The following RSRC1 variants were observed in gnomAD, a reference collection of about 807,000 sequenced individuals.
RSRC1 encodes the protein serine/Arginine-related protein 53.
In RSRC1, 39 loss-of-function variants were observed where a neutral mutation model predicts 49.1. That is an observed-to-expected ratio of 0.79 (90% CI 0.61 to 1.04). The LOEUF (loss-of-function observed/expected upper bound fraction) is 1.04. Ranked by LOEUF, RSRC1 falls within the 50% of genes least tolerant of loss-of-function variation. The pLI, the probability that RSRC1 is intolerant of heterozygous loss-of-function variation, is 0.00. For synonymous variants in RSRC1, 143 were observed against 130.8 expected (o/e 1.09, Z -0.63); for missense variants, 388 against 402.4 (o/e 0.96, Z 0.31).
At chr3:158,357,393 T>G (rs956285491) in intron 6 of RSRC1, among the ~76,000 whole-genome samples, 1 of 152,214 alleles carries the variant, frequency 6.6e-6, no homozygotes, top group African/African-American at 2.4e-5. Flanking sequence ...TGTGCTACTT[T>G]TCATTGCCAC....
At chr3:158,367,332 G>A (rs139179113) in intron 6 of RSRC1, among the ~76,000 whole-genome samples, 41 of 152,244 alleles carry the variant, frequency 2.7e-4, no homozygotes, top group African/African-American at 9.9e-4. Context: ...TTTATTGAGA[G>A]TTTTTTGCAT....
chr3:158,449,129 C>T (rs1026950703), intron 6 of RSRC1, among the ~76,000 whole-genome samples: 1 of 151,612 alleles, frequency 6.6e-6, no homozygotes, highest in African/African-American at 2.4e-5. Flanking sequence ...TAAACATAAT[C>T]GATCTTTTGA....
intron 4 of RSRC1, among the ~76,000 whole-genome samples, chr3:158,203,554 A>G (rs540627456): frequency 6.6e-6 from 1 of 152,330 alleles, no homozygotes; most frequent in Non-Finnish European, 1.5e-5. Flanking sequence ...ATTCTGTAGG[A>G]AAGTTTCATA....
At chr3:158,145,386 G>A (rs1246951797) in intron 3 of RSRC1, among the ~76,000 whole-genome samples, 1 of 152,100 alleles carries the variant, frequency 6.6e-6, no homozygotes, top group African/African-American at 2.4e-5. Context: ...TGTTATATAG[G>A]GAATCCTTTC....
intron 8 of RSRC1, among the ~76,000 whole-genome samples, chr3:158,537,856 C>T (rs1712802937): frequency 6.6e-6 from 1 of 151,684 alleles, no homozygotes. Flanking sequence ...GTATTAATGG[C>T]TGTATAATAT....
chr3:158,490,378 C>T (rs564774629), intron 7 of RSRC1, among the ~76,000 whole-genome samples: 12 of 152,312 alleles, frequency 7.9e-5, no homozygotes, highest in African/African-American at 2.2e-4. Flanking sequence ...GCCACCACGC[C>T]GGGCCCCTTC....
intron 5 of RSRC1, among the ~76,000 whole-genome samples, chr3:158,307,630 C>CT (rs1200149307): frequency 1.3e-5 from 2 of 151,640 alleles, no homozygotes; most frequent in African/African-American, 2.4e-5. Flanking sequence ...TTAAAGGGCA[C>CT]TGCTAGTATA....
At chr3:158,332,973 T>G (rs1253560707) in intron 5 of RSRC1, among the ~76,000 whole-genome samples, 2 of 148,666 alleles carry the variant, frequency 1.3e-5, no homozygotes, top group Admixed American at 6.7e-5. Flanking sequence ...TGTTTTTTGT[T>G]TTTTTTTTTT....
chr3:158,171,953 T>TCAACAA (rs374799867), intron 3 of RSRC1, among the ~76,000 whole-genome samples: 26 of 151,150 alleles, frequency 1.7e-4, no homozygotes, highest in African/African-American at 2.4e-4. Flanking sequence ...CTGTGTCGCT[T>TCAACAA]CAACAACAAC....
intron 5 of RSRC1, 99 bp from the exon 6 acceptor site, chr3:158,354,758 C>T: frequency 2.3e-6 from 2 of 853,482 alleles, no homozygotes; most frequent in Non-Finnish European, 3.6e-6. Flanking sequence ...TTTAAATTTC[C>T]TAATATTTGC....
rs950086704 is a variant in RSRC1 at position 158,445,990 on chromosome 3, T to G, written c.584-14945T>G. ...AGCCGTCAGTCTGTTTTGCAAACTT[T>G]CCATTTGATGCTGACACATGCTGAA... On this transcript the variant is annotated intron_variant, in intron 6 of 9. Coordinates refer to ENST00000611884, the MANE Select transcript of RSRC1 (RefSeq NM_001271838.2). Among the ~76,000 whole-genome samples the G allele has an allele frequency of 2.6e-5, 4 of 152,240 alleles. No homozygotes were observed. The Middle Eastern group carries it at 0.01, about 391-fold the overall frequency.
intron 3 of RSRC1, among the ~76,000 whole-genome samples, chr3:158,167,233 G>C (rs4336069): frequency 0.63 from 95,849 of 151,960 alleles, 30,854 homozygotes; most frequent in East Asian, 0.73. Context: ...GTCACCCAAG[G>C]TGCAGTGCAG....
chr3:158,243,068 C>CA, intron 4 of RSRC1, among the ~76,000 whole-genome samples: 1 of 152,210 alleles, frequency 6.6e-6, no homozygotes, highest in East Asian at 1.9e-4. Flanking sequence ...TTCCCTATGT[C>CA]AATTTTTGCT....
At chr3:158,122,800 A>G (rs938105893) in intron 2 of RSRC1, among the ~76,000 whole-genome samples, 10 of 151,942 alleles carry the variant, frequency 6.6e-5, no homozygotes, top group East Asian at 3.9e-4. Context: ...TCATTGTTCA[A>G]TTCCCACCTA....
Position 158,118,419 on chromosome 3 carries a change from G to C in RSRC1, c.-2-3684G>C, listed in dbSNP as rs1216216078. On this transcript the variant is annotated intron_variant, in intron 1 of 9. Transcript: ENST00000611884. ...TAGCTAAGTACCTGGCCTTCTGTGT[G>C]TGTGTGTGTGTGTGTGTGTGTGTGT... Among the ~76,000 whole-genome samples, 10 of 80,408 alleles carry C rather than the reference G, an allele frequency of 1.2e-4. No individual in the cohort carries two copies. The East Asian group carries it at 2.6e-3, about 21-fold the overall frequency. 52.8% of individuals were successfully genotyped at this position (80,408 alleles called of 152,430 possible). A position where few individuals can be genotyped will look rare whatever the true frequency, so the allele number is the denominator to read the frequency against.
rs184370724 is a variant in RSRC1, at chr3:158,147,738, A to G, written c.320+23747A>G. On this transcript the variant is annotated intron_variant, in intron 3 of 9. Coordinates refer to ENST00000611884, the MANE Select transcript of RSRC1 (RefSeq NM_001271838.2). Reference sequence around the variant, plus strand: ...ATTGGTTTGTTCAAATTTTTTTCCAAATTCAAAAGTGTACGTTTTAGAAGT... The same window carrying G: ...ATTGGTTTGTTCAAATTTTTTTCCAGATTCAAAAGTGTACGTTTTAGAAGT... 2.6e-5 allele frequency among the ~76,000 whole-genome samples: 4 copies of G among 152,238 alleles called. No individual in the cohort carries two copies. The East Asian group carries it at 5.8e-4, about 22-fold the overall frequency.
chr3:158,302,510 A>G (rs1441543124), intron 5 of RSRC1, among the ~76,000 whole-genome samples: 5 of 151,012 alleles, frequency 3.3e-5, no homozygotes, highest in Non-Finnish European at 7.4e-5. Context: ...CTGTTATCAC[A>G]GAAGGGTTGA....
chr3:158,178,442 G>A (rs1719382498), intron 3 of RSRC1, among the ~76,000 whole-genome samples: 1 of 152,222 alleles, frequency 6.6e-6, no homozygotes, highest in Non-Finnish European at 1.5e-5. Context: ...CCTGGCCCCA[G>A]TTAAAGCTAT....
At chr3:158,196,408 A>G (rs529053110) in intron 3 of RSRC1, among the ~76,000 whole-genome samples, 21 of 152,284 alleles carry the variant, frequency 1.4e-4, no homozygotes, top group African/African-American at 4.8e-4. Flanking sequence ...GGGCTGAGAC[A>G]GTGGGATTTT....
Sources: gnomAD v4.1 joint callset for allele counts (sites outside exome capture counted in the v4.1 genomes callset) on GRCh38, gnomAD v4.1.1 for gene constraint, MANE v1.5 for transcripts, NCBI Gene and HGNC (gene_info 2026-07-23, HGNC 2026-07-21) for gene names.